Variants in A4GALT observed in about 807,000 individuals in gnomAD.
A4GALT encodes the protein alpha 1,4-galactosyltransferase (P1PK blood group).
For missense variants in A4GALT, 512 were observed against 486.0 expected (o/e 1.05, Z -0.50); for synonymous variants, 257 against 220.7 (o/e 1.16, Z -1.46).
In A4GALT at chr22:42,692,933, C is replaced by T. The variant is rs749449525; in HGVS notation, c.1019G>A (p.Arg340His). ...GGCCTCGTGCGTCGTGGGGCAGTAGCGGGCATGCAGCTGGGCCAGCAGTGC... is the reference window on the plus strand; with the variant it reads ...GGCCTCGTGCGTCGTGGGGCAGTAGTGGGCATGCAGCTGGGCCAGCAGTGC... ...SRALLAQLHA[R>H]YCPTTHEAMK... The change falls in exon 3 of 3, where the codon CGC becomes CAC. Residue 340 changes from arginine (R) to histidine (H), a missense_variant. By Grantham distance (29) the Arg-to-His change is conservative. Transcript: ENST00000642412. The surrounding 1 kb of genome is among the most constrained non-coding windows in gnomAD (Gnocchi z 4.6). 11 of 1,609,356 alleles carry T rather than the reference C, an allele frequency of 6.8e-6. No homozygotes were observed. Among genetic ancestry groups the T allele is most frequent in the Middle Eastern group, 1.6e-4 (1 of 6,082 alleles).
intron 1 of A4GALT, among the ~76,000 whole-genome samples, chr22:42,707,007 A>C (rs543341925): frequency 1.1e-4 from 17 of 152,312 alleles, no homozygotes; most frequent in Middle Eastern, 3.4e-3. Flanking sequence ...TACAGATACT[A>C]GGATAAATAT....
In A4GALT at chr22:42,692,674, C is replaced by T. The variant is rs1023150358; in HGVS notation, c.*216G>A. Reference sequence around the variant, plus strand: ...GCACTCACTGAGCGCCCTCCGCTGGCTATGGCACCATGTGTCAGCCCTGCC... The same window carrying T: ...GCACTCACTGAGCGCCCTCCGCTGGTTATGGCACCATGTGTCAGCCCTGCC... On this transcript the variant is annotated 3_prime_UTR_variant, in exon 3 of 3. Transcript: ENST00000642412. The surrounding 1 kb of genome is among the most constrained non-coding windows in gnomAD (Gnocchi z 4.6). 4.3e-6 allele frequency: 3 copies of T among 701,406 alleles called. No individual in the cohort carries two copies. Among genetic ancestry groups the T allele is most frequent in the Non-Finnish European group, 7.7e-6 (3 of 388,896 alleles). The allele number at this position is 701,406 out of a possible 1,614,324, so 43.4% of individuals were successfully genotyped here. A position where few individuals can be genotyped will look rare whatever the true frequency, so the allele number is the denominator to read the frequency against.
rs552071815 is a variant in A4GALT, at chr22:42,706,338, G to A, written c.-187-10707C>T. 4.6e-3 allele frequency among the ~76,000 whole-genome samples: 525 copies of A among 115,296 alleles called. 1 individual carries two copies. Among genetic ancestry groups the A allele is most frequent in the Middle Eastern group, 8.3e-3 (1 of 120 alleles). 75.6% of individuals were successfully genotyped at this position (115,296 alleles called of 152,430 possible). ...CCACTGCACTCCAGCCTGGGTGACA[G>A]AGCGAGACTCCATCCCAAAAAAAAA... On this transcript the variant is annotated intron_variant, in intron 1 of 2. Coordinates refer to ENST00000642412, the MANE Select transcript of A4GALT (RefSeq NM_017436.7).
chr22:42,700,349 C>T (rs1316449801), intron 1 of A4GALT, among the ~76,000 whole-genome samples: 1 of 152,222 alleles, frequency 6.6e-6, no homozygotes, highest in Non-Finnish European at 1.5e-5. Context: ...CCACTCTTCT[C>T]ATGTTCTTGG....
At chr22:42,702,191 A>G (rs1920926154) in intron 1 of A4GALT, among the ~76,000 whole-genome samples, 1 of 151,350 alleles carries the variant, frequency 6.6e-6, no homozygotes, top group African/African-American at 2.4e-5. Flanking sequence ...ACCCCACAAC[A>G]TCATATCAGG....
intron 1 of A4GALT, among the ~76,000 whole-genome samples, chr22:42,702,204 T>C (rs5996225): frequency 0.043 from 6,569 of 151,592 alleles, 464 homozygotes; most frequent in African/African-American, 0.15. Flanking sequence ...ATATCAGGGG[T>C]GGGGCTGCAA....
chr22:42,706,937 C>A (rs1389153301), intron 1 of A4GALT, among the ~76,000 whole-genome samples: 2 of 152,102 alleles, frequency 1.3e-5, no homozygotes, highest in African/African-American at 4.8e-5. Flanking sequence ...ATTTATTATG[C>A]TAACGGTATA....
At chr22:42,717,014 G>A (rs1214203009) in intron 1 of A4GALT, among the ~76,000 whole-genome samples, 2 of 152,200 alleles carry the variant, frequency 1.3e-5, no homozygotes, top group African/African-American at 4.8e-5. Flanking sequence ...TGCTGGAGTA[G>A]GCTTGTGGTG....
At chr22:42,704,094 C>T (rs1216700218) in intron 1 of A4GALT, among the ~76,000 whole-genome samples, 5 of 152,198 alleles carry the variant, frequency 3.3e-5, no homozygotes, top group Non-Finnish European at 4.4e-5. Context: ...GTTCCCCATC[C>T]CTAGCCCCAC....
chr22:42,695,108 T>G (rs980116615), intron 2 of A4GALT: 1 of 152,236 alleles, frequency 6.6e-6, no homozygotes, highest in African/African-American at 2.4e-5. Context: ...GGCTAGCCAA[T>G]GTACCTGGTG....
rs528996214 is a variant in A4GALT at position 42,706,215 on chromosome 22, C to T, written c.-187-10584G>A. 6.2e-4 allele frequency among the ~76,000 whole-genome samples: 92 copies of T among 149,526 alleles called. 3 individuals are homozygous for T. Among genetic ancestry groups the T allele is most frequent in the African/African-American group, 1.3e-3 (51 of 40,552 alleles). ...CTAAAAATACAAAAAATTAGCCAGG[C>T]GTGGTGGCGGGCACCTATAGTCCCA... On this transcript the variant is annotated intron_variant, in intron 1 of 2. Transcript: ENST00000642412.
chr22:42,714,093 G>A (rs1049959937), intron 1 of A4GALT, among the ~76,000 whole-genome samples: 1 of 151,740 alleles, frequency 6.6e-6, no homozygotes, highest in African/African-American at 2.4e-5. Flanking sequence ...AGTTGCGTGG[G>A]AAACATAGGG....
At chr22:42,707,897 G>A (rs1362224126) in intron 1 of A4GALT, among the ~76,000 whole-genome samples, 1 of 151,846 alleles carries the variant, frequency 6.6e-6, no homozygotes, top group Non-Finnish European at 1.5e-5. Flanking sequence ...CATTTTGGGA[G>A]GCTGGGGTGG....
intron 1 of A4GALT, chr22:42,718,250 G>A (rs1922367220): frequency 6.6e-6 from 1 of 152,162 alleles, no homozygotes; most frequent in Non-Finnish European, 1.5e-5. Flanking sequence ...AGAAAAACGT[G>A]TTATTTTATT....
chr22:42,715,734 A>T (rs1268161697), intron 1 of A4GALT, among the ~76,000 whole-genome samples: 1 of 152,088 alleles, frequency 6.6e-6, no homozygotes, highest in African/African-American at 2.4e-5. Flanking sequence ...TTTAAAAAAA[A>T]AGGTAACTCC....
chr22:42,698,121 G>A (rs765211472), intron 1 of A4GALT, among the ~76,000 whole-genome samples: 4 of 152,120 alleles, frequency 2.6e-5, no homozygotes, highest in Non-Finnish European at 5.9e-5. Context: ...GATGGTGCAC[G>A]CCTGTAGTCT....
chr22:42,693,007 G>C lies in A4GALT; in HGVS notation c.945C>G (p.His315Gln). Residue 315 changes from histidine to glutamine, a missense_variant, in exon 3 of 3, where the codon CAC (histidine) becomes CAG (glutamine). By Grantham distance (24) the His-to-Gln change is conservative. Coordinates refer to ENST00000642412, the MANE Select transcript of A4GALT (RefSeq NM_017436.7). ...PRLLSATYAV[H>Q]VWNKKSQGTR... is the part of the protein sequence containing the mutation. ...TGCCCTGGCTCTTCTTGTTCCACAC[G>C]TGGACAGCATAGGTGGCACTGAGCA... is the stretch of plus-strand genomic sequence containing the variant. 6.2e-7 allele frequency: 1 copy of C among 1,613,674 alleles called. No individual in the cohort carries two copies. Among genetic ancestry groups the C allele is most frequent in the South Asian group, 1.1e-5 (1 of 91,092 alleles).
chr22:42,709,215 A>G (rs1602016433), intron 1 of A4GALT, among the ~76,000 whole-genome samples: 1 of 151,264 alleles, frequency 6.6e-6, no homozygotes, highest in Non-Finnish European at 1.5e-5. Flanking sequence ...ACATGCCACC[A>G]TACCAGGTTC....
At position 42,712,944 on chromosome 22, in the gene A4GALT, A is replaced by G. The variant is rs571022272; in HGVS notation, c.-188+7853T>C. On this transcript the variant is annotated intron_variant, in intron 1 of 2. Coordinates refer to ENST00000642412, the MANE Select transcript of A4GALT (RefSeq NM_017436.7). ...AAAATAGTAGCAAAAGAGAGTGCTC[A>G]TTCTCCCCCCGCTCCCCCAGCATCA... Among the ~76,000 whole-genome samples the G allele has an allele frequency of 9.2e-5, 14 of 152,174 alleles. No homozygotes were observed. The East Asian group carries it at 2.7e-3, about 29-fold the overall frequency.
Sources: gnomAD v4.1 joint callset for allele counts (sites outside exome capture counted in the v4.1 genomes callset) on GRCh38, gnomAD v4.1.1 for gene constraint, Gnocchi (gnomAD v3.1) non-coding constraint, MANE v1.5 for transcripts, NCBI Gene and HGNC (gene_info 2026-07-23, HGNC 2026-07-21) for gene names.